GPM6B: variants seen among roughly 807,000 people sequenced by gnomAD.
The protein encoded by GPM6B is glycoprotein M6B, also known as neuronal membrane glycoprotein M6-b.
In GPM6B, 4 loss-of-function variants were observed where a neutral mutation model predicts 27.2. That is an observed-to-expected ratio of 0.15 (90% CI 0.07 to 0.34). GPM6B has a LOEUF of 0.34. Ranked by LOEUF, GPM6B falls within the 10% of genes least tolerant of loss-of-function variation. GPM6B has a pLI of 1.00. For synonymous variants in GPM6B, 124 were observed against 103.1 expected (o/e 1.20, Z -1.23); for missense variants, 183 against 261.9 (o/e 0.70, Z 2.08).
At chrX:13,856,393 G>C (rs1449391691) in intron 1 of GPM6B, among the ~76,000 whole-genome samples, 2 of 111,947 alleles carry the variant, frequency 1.8e-5, no homozygotes, top group East Asian at 5.6e-4. Flanking sequence ...AGCAGCAGCA[G>C]CAGCATCTGG....
Position 13,875,888 on chromosome X carries a change from G to A in GPM6B, c.-198+62439C>T, listed in dbSNP as rs59239535. On this transcript the variant is annotated intron_variant, in intron 1 of 6. Transcript: ENST00000398361. ...TGGGGGAAGGAGATGGGGAGTGACT[G>A]CTTAATGGTATAGGGTTTTCTTTGG... Among the ~76,000 whole-genome samples the A allele has an allele frequency of 1.5e-4, 17 of 111,884 alleles. No individual in the cohort carries two copies. In the East Asian group the frequency reaches 4.8e-3, roughly 31 times the overall value.
intron 1 of GPM6B, among the ~76,000 whole-genome samples, chrX:13,850,618 T>C (rs2049704227): frequency 8.9e-6 from 1 of 112,190 alleles, no homozygotes; most frequent in Non-Finnish European, 1.9e-5. Flanking sequence ...GATGGGAGTC[T>C]GGACCTTGGT....
At chrX:13,916,770 GGA>G (rs1268884885) in intron 1 of GPM6B, among the ~76,000 whole-genome samples, 1 of 108,867 alleles carries the variant, frequency 9.2e-6, no homozygotes, top group Non-Finnish European at 1.9e-5. Context: ...TGACAGCAGA[GGA>G]GAGATACAAA....
At chrX:13,885,009 T>G (rs2050121538) in intron 1 of GPM6B, among the ~76,000 whole-genome samples, 2 of 111,889 alleles carry the variant, frequency 1.8e-5, no homozygotes, top group Admixed American at 1.9e-4. Context: ...TAACATTTGT[T>G]GGGCATCTCT....
chrX:13,777,130 TAAG>T (rs1392640768), intron 6 of GPM6B, among the ~76,000 whole-genome samples: 1 of 111,803 alleles, frequency 8.9e-6, no homozygotes, highest in African/African-American at 3.3e-5. Flanking sequence ...CTCCACTTCT[TAAG>T]GATTCTCACC....
At chrX:13,856,946 A>G (rs1171641939) in intron 1 of GPM6B, among the ~76,000 whole-genome samples, 1 of 111,491 alleles carries the variant, frequency 9.0e-6, no homozygotes, top group Non-Finnish European at 1.9e-5. Context: ...GCTCTAAAGG[A>G]GAATCCATTT....
chrX:13,794,916 C>T (rs781621988), intron 2 of GPM6B, among the ~76,000 whole-genome samples: 1 of 111,981 alleles, frequency 8.9e-6, no homozygotes, highest in South Asian at 3.8e-4. Flanking sequence ...TGGGGGCAAA[C>T]ACCCCCTTTC....
chrX:13,777,232 C>G lies in GPM6B; in HGVS notation c.771+120G>C, dbSNP rs532427238. ...TACATATAGCTCTATCTTAAAGATTCTAAACAAGGAGCTTTCCTTAATGGC... is the reference window on the plus strand; with the variant it reads ...TACATATAGCTCTATCTTAAAGATTGTAAACAAGGAGCTTTCCTTAATGGC... On this transcript the variant is annotated intron_variant, in intron 6 of 7. Coordinates refer to ENST00000316715, the MANE Select transcript of GPM6B (RefSeq NM_001001995.3). 16 of 528,248 alleles carry G rather than the reference C, an allele frequency of 3.0e-5. 1 individual carries two copies. The highest frequency in any genetic ancestry group is 1.1e-4 in the East Asian group (3 of 27,852). 43.5% of individuals were successfully genotyped at this position (528,248 alleles called of 1,213,427 possible). A position where few individuals can be genotyped will look rare whatever the true frequency, so the allele number is the denominator to read the frequency against.
chrX:13,789,774 CAAAACAAAAACAAAAACA>C (rs60831232), intron 2 of GPM6B, among the ~76,000 whole-genome samples: 2 of 106,400 alleles, frequency 1.9e-5, no homozygotes, highest in Non-Finnish European at 3.9e-5. Context: ...GACTCCATCT[CAAAACAAAAACAAAAACA>C]AAAACAAAAA....
rs746303494 is a variant in GPM6B at position 13,920,106 on chromosome X, A to G, written c.-198+18221T>C. ...TGGTGAAACCCCATCTCTACTAAAAATACAAAACTAGCCAGGCGTGGTGGC... is the reference window on the plus strand; with the variant it reads ...TGGTGAAACCCCATCTCTACTAAAAGTACAAAACTAGCCAGGCGTGGTGGC... On this transcript the variant is annotated intron_variant, in intron 1 of 6. Coordinates refer to the GPM6B transcript ENST00000398361. Among the ~76,000 whole-genome samples the G allele has an allele frequency of 4.6e-5, 5 of 109,100 alleles. No individual in the cohort carries two copies. The South Asian group carries it at 1.2e-3, about 26-fold the overall frequency. 94.7% of individuals were successfully genotyped at this position (109,100 alleles called of 115,157 possible). A position where few individuals can be genotyped will look rare whatever the true frequency, so the allele number is the denominator to read the frequency against.
chrX:13,931,498 GAAAAAAGA>G (rs1484988584), intron 1 of GPM6B, among the ~76,000 whole-genome samples: 1 of 107,772 alleles, frequency 9.3e-6, no homozygotes, highest in Non-Finnish European at 1.9e-5. Context: ...AAAAAAAAAA[GAAAAAAGA>G]AAAAAAGAAA....
chrX:13,864,450 C>G (rs868100708), intron 1 of GPM6B, among the ~76,000 whole-genome samples: 8 of 112,652 alleles, frequency 7.1e-5, no homozygotes, highest in South Asian at 3.6e-4. Context: ...ACTTGCACAT[C>G]AGGTGGTGGA....
intron 1 of GPM6B, among the ~76,000 whole-genome samples, chrX:13,909,919 G>C (rs1017844825): frequency 9.0e-6 from 1 of 111,653 alleles, no homozygotes; most frequent in African/African-American, 3.3e-5. Context: ...GTAACTAAAA[G>C]GTTTGCCTTC....
intron 1 of GPM6B, among the ~76,000 whole-genome samples, chrX:13,842,781 C>T (rs1387382723): frequency 9.0e-6 from 1 of 111,289 alleles, no homozygotes; most frequent in Admixed American, 9.5e-5. Flanking sequence ...CTTAAGCACA[C>T]AATGGCAGTA....
intron 1 of GPM6B, chrX:13,812,803 C>T (rs1425538551): frequency 1.8e-5 from 2 of 108,983 alleles, no homozygotes; most frequent in East Asian, 2.8e-4. Flanking sequence ...CTTTTTCTAA[C>T]GAAATAGCAA....
At chrX:13,929,951 T>C (rs1186483879) in intron 1 of GPM6B, among the ~76,000 whole-genome samples, 1 of 111,736 alleles carries the variant, frequency 8.9e-6, no homozygotes, top group Non-Finnish European at 1.9e-5. Flanking sequence ...ACTAAACAAA[T>C]AAATACCCAA....
intron 2 of GPM6B, among the ~76,000 whole-genome samples, chrX:13,805,050 G>GT (rs1437241047): frequency 9.0e-6 from 1 of 111,481 alleles, no homozygotes; most frequent in Non-Finnish European, 1.9e-5. Flanking sequence ...AACAGTCCCC[G>GT]TGGAGGCATC....
chrX:13,804,259 T>C (rs950108076), intron 2 of GPM6B, among the ~76,000 whole-genome samples: 1 of 111,333 alleles, frequency 9.0e-6, no homozygotes, highest in Non-Finnish European at 1.9e-5. Flanking sequence ...CTGGAGCCTG[T>C]GTAACACAAT....
At chrX:13,854,934 T>C (rs1003864274) in intron 1 of GPM6B, among the ~76,000 whole-genome samples, 15 of 111,757 alleles carry the variant, frequency 1.3e-4, no homozygotes, top group Admixed American at 9.5e-4. Flanking sequence ...AATGAATACA[T>C]TGTGCTTCAT....
Sources: gnomAD v4.1 joint callset for allele counts (sites outside exome capture counted in the v4.1 genomes callset) on GRCh38, gnomAD v4.1.1 for gene constraint, MANE v1.5 for transcripts, NCBI Gene and HGNC (gene_info 2026-07-23, HGNC 2026-07-21) for gene names.